The following CCDC148 variants were observed in gnomAD, a reference collection of about 807,000 sequenced individuals.
CCDC148 encodes the protein coiled-coil domain containing 148.
A neutral mutation model predicts 85.7 loss-of-function variants in CCDC148; 89 were observed. That is an observed-to-expected ratio of 1.04 (90% CI 0.87 to 1.24). CCDC148 has a LOEUF of 1.24. Among genes scored for constraint, CCDC148 ranks in the 50% most tolerant of loss-of-function variants. The pLI, the probability that CCDC148 is intolerant of heterozygous loss-of-function variation, is 0.00. For missense variants in CCDC148, 692 were observed against 671.7 expected, an observed-to-expected ratio of 1.03 and a Z score of -0.33; for synonymous variants, 230 against 213.9, an observed-to-expected ratio of 1.08 and a Z score of -0.66.
At chr2:158,334,852 A>G (rs1574642541) in intron 7 of CCDC148, among the ~76,000 whole-genome samples, 1 of 152,108 alleles carries the variant, frequency 6.6e-6, no homozygotes, top group Non-Finnish European at 1.5e-5. Context: ...TCCCTCCACC[A>G]TTAGTTAATC....
intron 1 of CCDC148, among the ~76,000 whole-genome samples, chr2:158,430,175 G>A (rs980755059): frequency 1.3e-5 from 2 of 152,128 alleles, no homozygotes; most frequent in African/African-American, 4.8e-5. Context: ...CCTCTTACTA[G>A]TTAAGGTGGA....
At chr2:158,385,030 C>T (rs1574731098) in intron 1 of CCDC148, among the ~76,000 whole-genome samples, 2 of 152,292 alleles carry the variant, frequency 1.3e-5, no homozygotes, top group African/African-American at 4.8e-5. Flanking sequence ...CACTTCCTTG[C>T]TCACCATCAG....
chr2:158,297,485 G>C lies in CCDC148; in HGVS notation c.1110+11948C>G, dbSNP rs78432062. ...TGCCTGCAAGATCTATTTCAGCTTG[G>C]ACCAGGAGAATGATGAATCATTACT... On this transcript the variant is annotated intron_variant, in intron 9 of 13. Transcript: ENST00000283233. Among the ~76,000 whole-genome samples, 3 of 152,184 alleles carry C rather than the reference G, an allele frequency of 2.0e-5. No individual in the cohort carries two copies. In the East Asian group the frequency reaches 5.8e-4, roughly 29 times the overall value.
intron 9 of CCDC148, among the ~76,000 whole-genome samples, chr2:158,290,230 G>A (rs1237446283): frequency 6.6e-6 from 1 of 152,152 alleles, no homozygotes; most frequent in Non-Finnish European, 1.5e-5. Flanking sequence ...GAATAAAGGA[G>A]GCTGGCGGTG....
At chr2:158,272,358 T>C (rs1689736781) in intron 9 of CCDC148, among the ~76,000 whole-genome samples, 1 of 152,170 alleles carries the variant, frequency 6.6e-6, no homozygotes, top group African/African-American at 2.4e-5. Flanking sequence ...TACAGTAATA[T>C]TTCTCTATAC....
intron 1 of CCDC148, among the ~76,000 whole-genome samples, chr2:158,450,347 C>T (rs1416495473): frequency 6.6e-6 from 1 of 152,198 alleles, no homozygotes; most frequent in Non-Finnish European, 1.5e-5. Context: ...CAGCCCTCTA[C>T]TGTGGTGATC....
intron 9 of CCDC148, among the ~76,000 whole-genome samples, chr2:158,255,094 G>T (rs1042456059): frequency 8.6e-5 from 13 of 150,506 alleles, no homozygotes; most frequent in African/African-American, 3.2e-4. Flanking sequence ...ATAGTTTGTA[G>T]ATCTTAATAC....
At chr2:158,377,371 A>G (rs2356089) in intron 1 of CCDC148, among the ~76,000 whole-genome samples, 140,972 of 152,012 alleles carry the variant, frequency 0.93, 65,412 homozygotes, top group East Asian at 0.98. Context: ...AAGTACCATC[A>G]AATACTTTGT....
intron 1 of CCDC148, among the ~76,000 whole-genome samples, chr2:158,394,855 C>T (rs1042267948): frequency 7.2e-5 from 11 of 151,978 alleles, no homozygotes; most frequent in Admixed American, 2.6e-4. Context: ...CCTCCTCCAA[C>T]GCCAAAACTC....
intron 7 of CCDC148, among the ~76,000 whole-genome samples, chr2:158,331,598 C>A (rs202117092): frequency 0.17 from 25,343 of 151,620 alleles, 3,374 homozygotes; most frequent in African/African-American, 0.37. Context: ...TCTAATGTTG[C>A]CATGGGGTGT....
intron 3 of CCDC148, among the ~76,000 whole-genome samples, chr2:158,340,946 G>A (rs1682654896): frequency 6.6e-6 from 1 of 152,050 alleles, no homozygotes; most frequent in African/African-American, 2.4e-5. Context: ...GGGAAGCACT[G>A]AAGGTCAGTA....
chr2:158,434,580 T>C (rs1216698623), intron 1 of CCDC148, among the ~76,000 whole-genome samples: 2 of 152,202 alleles, frequency 1.3e-5, no homozygotes, highest in Non-Finnish European at 2.9e-5. Context: ...TCCAAAGGAA[T>C]GCAGCTCCTC....
At chr2:158,447,254 C>G (rs1688198410) in intron 1 of CCDC148, 1 of 152,156 alleles carries the variant, frequency 6.6e-6, no homozygotes, top group African/African-American at 2.4e-5. Context: ...GGAGTTTTGA[C>G]CTGCCCTGTT....
intron 9 of CCDC148, among the ~76,000 whole-genome samples, chr2:158,271,504 C>G (rs1396627249): frequency 6.6e-6 from 1 of 152,126 alleles, no homozygotes; most frequent in Non-Finnish European, 1.5e-5. Context: ...ACTACCTGCC[C>G]ATTAGTCACT....
chr2:158,404,932 G>C (rs1685936787), intron 1 of CCDC148, among the ~76,000 whole-genome samples: 1 of 152,106 alleles, frequency 6.6e-6, no homozygotes, highest in Non-Finnish European at 1.5e-5. Flanking sequence ...TAGAGATCTT[G>C]TGAATGCATA....
At chr2:158,187,429 A>G (rs1020579874) in intron 11 of CCDC148, among the ~76,000 whole-genome samples, 1 of 151,138 alleles carries the variant, frequency 6.6e-6, no homozygotes, top group Non-Finnish European at 1.5e-5. Context: ...TTTTTCTTTC[A>G]TTCTTTTTAC....
rs544858232 is a variant in CCDC148, at chr2:158,358,083, G to C, written c.147+366C>G. Among the ~76,000 whole-genome samples the C allele has an allele frequency of 3.9e-5, 6 of 152,294 alleles. No homozygotes were observed. The South Asian group carries it at 1.2e-3, about 32-fold the overall frequency. On this transcript the variant is annotated intron_variant, in intron 2 of 13. Transcript: ENST00000283233. ...GAGCACCTGAGGACATATTTGTATA[G>C]TGTTGGAGAAGGAGCCTTAATCAGA... is the stretch of plus-strand genomic sequence containing the variant.
rs181820795 is a variant in CCDC148 at position 158,418,249 on chromosome 2, T to C, written c.25+38166A>G. On this transcript the variant is annotated intron_variant, in intron 1 of 13. Coordinates refer to ENST00000283233, the MANE Select transcript of CCDC148 (RefSeq NM_138803.4). ...TTGCCATATCTCTACAATGAAGGGG[T>C]TGGACTAGGTAATTTCTAAGGAATC... Among the ~76,000 whole-genome samples, 47 of 152,068 alleles carry C rather than the reference T, an allele frequency of 3.1e-4. No homozygotes were observed. In the East Asian group the frequency reaches 6.4e-3, roughly 21 times the overall value.
At chr2:158,450,115 A>G (rs367719323) in intron 1 of CCDC148, among the ~76,000 whole-genome samples, 3 of 152,278 alleles carry the variant, frequency 2.0e-5, no homozygotes, top group East Asian at 3.9e-4. Flanking sequence ...ACAGAAAACA[A>G]CAATAAACAG....
Sources: gnomAD v4.1 joint callset for allele counts (sites outside exome capture counted in the v4.1 genomes callset) on GRCh38, gnomAD v4.1.1 for gene constraint, MANE v1.5 for transcripts, NCBI Gene and HGNC (gene_info 2026-07-23, HGNC 2026-07-21) for gene names.